The following IL1R1 variants were observed in gnomAD, a reference collection of about 807,000 sequenced individuals.
IL1R1 encodes interleukin 1 receptor type 1.
In IL1R1, 22 loss-of-function variants were observed where a neutral mutation model predicts 50.2. The observed-to-expected ratio is 0.44, with a 90% CI of 0.31 to 0.63. The LOEUF (loss-of-function observed/expected upper bound fraction) is 0.63, where lower values mean the gene tolerates loss of function less well. IL1R1 is among the 20% of genes least tolerant of loss of function. The pLI, the probability that IL1R1 is intolerant of heterozygous loss-of-function variation, is 0.07. For missense variants in IL1R1, 509 were observed against 676.2 expected, an observed-to-expected ratio of 0.75 and a Z score of 2.74; for synonymous variants, 251 against 236.7, an observed-to-expected ratio of 1.06 and a Z score of -0.55.
chr2:102,115,825 T>C (rs901272552), intron 1 of IL1R1, among the ~76,000 whole-genome samples: 1 of 152,088 alleles, frequency 6.6e-6, no homozygotes, highest in African/African-American at 2.4e-5. Context: ...GGGCACATAG[T>C]AAACATGGGT....
At chr2:102,086,139 T>C (rs1413289497) in intron 1 of IL1R1, among the ~76,000 whole-genome samples, 2 of 152,192 alleles carry the variant, frequency 1.3e-5, no homozygotes, top group Non-Finnish European at 2.9e-5. Flanking sequence ...TACATGCTTG[T>C]GAATATTCCA....
chr2:102,130,903 C>T (rs950343284), intron 1 of IL1R1, among the ~76,000 whole-genome samples: 12 of 152,060 alleles, frequency 7.9e-5, no homozygotes, highest in Admixed American at 7.9e-4. Context: ...TGGACATCAG[C>T]TAAGGAAGGA....
chr2:102,163,498 C>T (rs755318209), intron 3 of IL1R1, among the ~76,000 whole-genome samples: 3 of 152,006 alleles, frequency 2.0e-5, no homozygotes, highest in Admixed American at 6.6e-5. Context: ...TCAAATCTGC[C>T]GTGAATCCCA....
At chr2:102,120,545 G>T in intron 1 of IL1R1, among the ~76,000 whole-genome samples, 1 of 152,260 alleles carries the variant, frequency 6.6e-6, no homozygotes, top group Non-Finnish European at 1.5e-5. Flanking sequence ...TTAGGCACAG[G>T]GTCTGCGTTG....
chr2:102,102,148 C>A (rs1039272800), upstream of IL1R1, among the ~76,000 whole-genome samples: 12 of 152,096 alleles, frequency 7.9e-5, no homozygotes, highest in African/African-American at 1.4e-4. Flanking sequence ...CCAATTAATC[C>A]AGCTGCTTGG....
intron 1 of IL1R1, among the ~76,000 whole-genome samples, chr2:102,126,115 G>A (rs1483118937): frequency 1.6e-4 from 24 of 152,106 alleles, no homozygotes; most frequent in Admixed American, 1.6e-3. Flanking sequence ...GAAATTCATT[G>A]ACAACATAAC....
intron 2 of IL1R1, 90 bp from the exon 3 acceptor site, chr2:102,157,629 A>C: frequency 3.9e-6 from 3 of 766,326 alleles, no homozygotes; most frequent in African/African-American, 1.7e-5. Flanking sequence ...GGGTGGGGAC[A>C]GGGCCGGTGT....
At chr2:102,153,339 T>G (rs1683870071) in intron 1 of IL1R1, among the ~76,000 whole-genome samples, 1 of 152,248 alleles carries the variant, frequency 6.6e-6, no homozygotes, top group Admixed American at 6.5e-5. Context: ...GTGCATGTGT[T>G]TAATCAAAAT....
intron 1 of IL1R1, among the ~76,000 whole-genome samples, chr2:102,127,281 C>G (rs1215505239): frequency 6.6e-6 from 1 of 151,914 alleles, no homozygotes; most frequent in African/African-American, 2.4e-5. Flanking sequence ...TGAGAGGAGG[C>G]AAAGATGGCA....
chr2:102,110,251 T>C (rs13020596), intron 1 of IL1R1, among the ~76,000 whole-genome samples: 42,428 of 151,980 alleles, frequency 0.28, 6,803 homozygotes, highest in African/African-American at 0.45. Context: ...TGCCTCTTAA[T>C]GGACAGTTGG....
At chr2:102,094,326 G>T (rs1014316455) in intron 1 of IL1R1, among the ~76,000 whole-genome samples, 1 of 152,174 alleles carries the variant, frequency 6.6e-6, no homozygotes, top group Non-Finnish European at 1.5e-5. Context: ...TTTACAGAAT[G>T]CTATTTAGGC....
chr2:102,152,455 AGATCGCAC>A (rs2104498512), intron 1 of IL1R1, among the ~76,000 whole-genome samples: 1 of 133,054 alleles, frequency 7.5e-6, no homozygotes, highest in Non-Finnish European at 1.6e-5. Context: ...CAGTGAGCCT[AGATCGCAC>A]CACTGCACTC....
chr2:102,165,978 T>C (rs1418722658), intron 5 of IL1R1, 135 bp from the exon 6 acceptor site: 14 of 665,554 alleles, frequency 2.1e-5, no homozygotes, highest in Non-Finnish European at 1.5e-5. Context: ...AAACTTACTA[T>C]ATGTAAGGAA....
At chr2:102,103,734 C>A (rs1314568587), upstream of IL1R1, among the ~76,000 whole-genome samples, 1 of 152,042 alleles carries the variant, frequency 6.6e-6, no homozygotes, top group Non-Finnish European at 1.5e-5. Flanking sequence ...GTGGCTCATG[C>A]CTGTAACCCC....
At chr2:102,162,652 A>T (rs1684833602) in intron 3 of IL1R1, among the ~76,000 whole-genome samples, 1 of 151,858 alleles carries the variant, frequency 6.6e-6, no homozygotes, top group African/African-American at 2.4e-5. Context: ...AACACTATAC[A>T]GTTTCACATA....
At chr2:102,108,984 TAATAAA>T (rs1212360144) in intron 1 of IL1R1, among the ~76,000 whole-genome samples, 1 of 137,302 alleles carries the variant, frequency 7.3e-6, no homozygotes, top group Non-Finnish European at 1.6e-5. Flanking sequence ...ATAATAATAA[TAATAAA>T]AGCTAATATG....
intron 1 of IL1R1, among the ~76,000 whole-genome samples, chr2:102,097,856 A>G (rs765653125): frequency 6.6e-6 from 1 of 152,100 alleles, no homozygotes; most frequent in Non-Finnish European, 1.5e-5. Context: ...CAAGCAATAG[A>G]TAATGTCAAT....
chr2:102,136,872 C>A (rs1168916416), intron 1 of IL1R1, among the ~76,000 whole-genome samples: 1 of 152,196 alleles, frequency 6.6e-6, no homozygotes, highest in African/African-American at 2.4e-5. Context: ...GCCTGCTCTT[C>A]ACTCTTCCAA....
intron 10 of IL1R1, among the ~76,000 whole-genome samples, chr2:102,174,968 C>T (rs1685993148): frequency 6.6e-6 from 1 of 152,070 alleles, no homozygotes; most frequent in African/African-American, 2.4e-5. Flanking sequence ...GTATTTAGAG[C>T]ATCTGTTTAT....
Sources: allele counts gnomAD v4.1 joint callset (sites outside exome capture counted in the v4.1 genomes callset), GRCh38; gene constraint gnomAD v4.1.1; transcripts MANE v1.5; gene names NCBI Gene and HGNC (gene_info 2026-07-23, HGNC 2026-07-21).